NDUFA10: variants seen among roughly 807,000 people sequenced by gnomAD.
NDUFA10 encodes the protein NADH dehydrogenase [ubiquinone] 1 alpha subcomplex subunit 10, mitochondrial.
A neutral mutation model predicts 47.8 loss-of-function variants in NDUFA10; 40 were observed. The ratio of observed to expected loss-of-function variants is 0.84; its 90% CI spans 0.65 to 1.09. NDUFA10 has a LOEUF of 1.09. Ranked by LOEUF, NDUFA10 falls within the 50% of genes least tolerant of loss-of-function variation. The pLI is 0.00. For missense variants in NDUFA10, 413 were observed against 451.1 expected, an observed-to-expected ratio of 0.92 and a Z score of 0.76; for synonymous variants, 183 against 172.2, an observed-to-expected ratio of 1.06 and a Z score of -0.49.
intron 8 of NDUFA10, among the ~76,000 whole-genome samples, chr2:240,004,195 G>A (rs751956772): frequency 4.6e-5 from 7 of 152,074 alleles, no homozygotes; most frequent in Non-Finnish European, 8.8e-5. Flanking sequence ...GAGGGGCAGC[G>A]GTGCTGCTTC....
rs143701379 is a variant in NDUFA10 at position 239,939,894 on chromosome 2, G to A, written c.295-44580C>T. ...CCGGCTGCAGTGCAGGCCAAGCTGC[G>A]ATTCCATGGGGCAGCCAGCCCTACT... is the stretch of plus-strand genomic sequence containing the variant. On this transcript the variant is annotated intron_variant, in intron 4 of 5. Transcript: ENST00000419408. Among the ~76,000 whole-genome samples, 864 of 152,336 alleles carry A rather than the reference G, an allele frequency of 5.7e-3. 19 individuals carry two copies. The highest frequency in any genetic ancestry group is 0.04 in the South Asian group (193 of 4,830).
At chr2:239,966,422 G>C (rs1184044223) in intron 9 of NDUFA10, among the ~76,000 whole-genome samples, 1 of 152,190 alleles carries the variant, frequency 6.6e-6, no homozygotes, top group African/African-American at 2.4e-5. Flanking sequence ...GCACACTGCA[G>C]CCCAGCCTGC....
chr2:239,969,550 G>C, intron 9 of NDUFA10: 1 of 420,556 alleles, frequency 2.4e-6, no homozygotes, highest in East Asian at 7.1e-5. Context: ...TGTGGACATG[G>C]GACTCCCTGA....
intron 9 of NDUFA10, among the ~76,000 whole-genome samples, chr2:239,985,938 T>C (rs917325747): frequency 5.7e-5 from 8 of 140,508 alleles, no homozygotes; most frequent in African/African-American, 2.7e-5. Context: ...AAAAAAGTGC[T>C]ACAGACAATG....
intron 4 of NDUFA10, among the ~76,000 whole-genome samples, chr2:239,914,428 CAGAG>C: frequency 7.4e-6 from 1 of 135,464 alleles, no homozygotes; most frequent in East Asian, 2.1e-4. Context: ...CAGACACACA[CAGAG>C]ACACACAGAG....
chr2:239,940,776 C>T (rs1187530098), intron 4 of NDUFA10, among the ~76,000 whole-genome samples: 12 of 152,230 alleles, frequency 7.9e-5, no homozygotes, highest in African/African-American at 2.9e-4. Context: ...AAACCGGGCT[C>T]TCTCCTGGGG....
intron 4 of NDUFA10, among the ~76,000 whole-genome samples, chr2:239,921,406 T>C (rs1693980542): frequency 6.6e-6 from 1 of 152,110 alleles, no homozygotes; most frequent in African/African-American, 2.4e-5. Context: ...CTGGTTTGGG[T>C]GGTCAGCTTT....
In NDUFA10 at chr2:239,987,969, T is replaced by C. The variant is rs540586474; in HGVS notation, c.999+2105A>G. On this transcript the variant is annotated intron_variant, in intron 9 of 9. Coordinates refer to ENST00000252711, the MANE Select transcript of NDUFA10 (RefSeq NM_004544.4). The surrounding 1 kb of genome is among the most constrained non-coding windows in gnomAD (Gnocchi z 4.8). Reference sequence around the variant, plus strand: ...AGAATGATAACTAGTAGTAGGGAAATAGGTGGGGTAAATGGAATAAAGAAA... The same window carrying C: ...AGAATGATAACTAGTAGTAGGGAAACAGGTGGGGTAAATGGAATAAAGAAA... 1.4e-3 allele frequency among the ~76,000 whole-genome samples: 205 copies of C among 151,632 alleles called. 1 individual carries two copies. The highest frequency in any genetic ancestry group is 6.9e-3 in the South Asian group (33 of 4,798).
At chr2:239,968,361 A>C (rs926584552) in intron 9 of NDUFA10, among the ~76,000 whole-genome samples, 1 of 152,234 alleles carries the variant, frequency 6.6e-6, no homozygotes, top group Non-Finnish European at 1.5e-5. Flanking sequence ...GTCTTAAAGA[A>C]GCCCTGACAT....
rs527383037 is a variant in NDUFA10, at chr2:239,945,982, C to A, written c.294+44092G>T. Among the ~76,000 whole-genome samples the A allele has an allele frequency of 1.4e-4, 21 of 152,246 alleles. No individual in the cohort carries two copies. The East Asian group carries it at 3.5e-3, about 25-fold the overall frequency. ...CCAGAGCCTCACATAATGAGCTGCA[C>A]CCCCAGACCAGGACAGGAGAGGAGG... On this transcript the variant is annotated intron_variant, in intron 4 of 5. Transcript: ENST00000419408. This position sits in a 1 kb window ranked among gnomAD's most constrained non-coding sequence, Gnocchi z 4.6.
chr2:239,909,837 A>C (rs1473078629), intron 4 of NDUFA10, among the ~76,000 whole-genome samples: 1 of 152,128 alleles, frequency 6.6e-6, no homozygotes, highest in African/African-American at 2.4e-5. Flanking sequence ...TGGGAGAAAA[A>C]TTCTGCAATC....
rs967318317 is a variant in NDUFA10 at position 239,950,503 on chromosome 2, A to G, written c.294+39571T>C. ...CTCTGTTTTTAGGCATCTGAAGTGTAGATGTAAACATTGACCTTTCCCACT... is the reference window on the plus strand; with the variant it reads ...CTCTGTTTTTAGGCATCTGAAGTGTGGATGTAAACATTGACCTTTCCCACT... On this transcript the variant is annotated intron_variant, in intron 4 of 5. Transcript: ENST00000419408. Among the ~76,000 whole-genome samples, 11 of 152,374 alleles carry G rather than the reference A, an allele frequency of 7.2e-5. 1 individual carries two copies. The East Asian group carries it at 2.1e-3, about 29-fold the overall frequency.
intron 4 of NDUFA10, among the ~76,000 whole-genome samples, chr2:239,951,397 G>A (rs544135124): frequency 2.9e-4 from 44 of 152,338 alleles, no homozygotes; most frequent in Admixed American, 1.6e-3. Context: ...GGTTGAGATT[G>A]GGAAGAAAGT....
chr2:239,961,613 G>A (rs540802785), intron 9 of NDUFA10, among the ~76,000 whole-genome samples: 5 of 152,174 alleles, frequency 3.3e-5, no homozygotes, highest in Non-Finnish European at 7.4e-5. Flanking sequence ...AAAAAGCCCC[G>A]CGTGAAATTC....
intron 9 of NDUFA10, among the ~76,000 whole-genome samples, chr2:239,974,690 A>G (rs1430456299): frequency 1.3e-5 from 2 of 152,180 alleles, no homozygotes; most frequent in Admixed American, 1.3e-4. Flanking sequence ...CTCTACCACC[A>G]AAGATCTGGT....
intron 8 of NDUFA10, among the ~76,000 whole-genome samples, chr2:239,999,478 C>T (rs575844292): frequency 2.0e-5 from 3 of 152,252 alleles, no homozygotes; most frequent in East Asian, 3.9e-4. Context: ...ATGCGGGTTC[C>T]CCATCCCCCT....
chr2:240,007,349 T>C lies in NDUFA10; in HGVS notation c.771A>G (p.Gln257=), dbSNP rs13848. The change falls in exon 7 of 10, where the codon CAA becomes CAG. Residue 257 remains glutamine, a synonymous_variant. Transcript: ENST00000252711. ...AATCTTGAGCTTCCCTTGCAGAATA[T>C]TGTAAAACCTCACATTTTTCACTGT... The part of the protein sequence containing the change: ...PEMSEKCEVL[Q]YSAREAQDSK... 0.4 allele frequency: 633,034 copies of C among 1,582,734 alleles called. 130,223 individuals are homozygous for C. Among genetic ancestry groups the C allele is most frequent in the Admixed American group, 0.46 (27,693 of 59,764 alleles).
chr2:240,004,481 G>A (rs905583309), intron 8 of NDUFA10, among the ~76,000 whole-genome samples: 1 of 147,396 alleles, frequency 6.8e-6, no homozygotes, highest in Non-Finnish European at 1.5e-5. Context: ...AACGCACCAA[G>A]ACCTATCCGC....
chr2:240,001,110 C>T (rs1696694949), intron 8 of NDUFA10, among the ~76,000 whole-genome samples: 1 of 152,208 alleles, frequency 6.6e-6, no homozygotes, highest in South Asian at 2.1e-4. Context: ...ATCAACTGCA[C>T]TGGGGCATGC....
Sources: gnomAD v4.1 joint callset for allele counts (sites outside exome capture counted in the v4.1 genomes callset) on GRCh38, gnomAD v4.1.1 for gene constraint, Gnocchi (gnomAD v3.1) non-coding constraint, MANE v1.5 for transcripts, NCBI Gene and HGNC (gene_info 2026-07-23, HGNC 2026-07-21) for gene names.